CAMTA1: variants seen among roughly 807,000 people sequenced by gnomAD.
The protein encoded by CAMTA1 is calmodulin binding transcription activator 1, also known as calmodulin-binding transcription activator 1.
Under a neutral mutation model 170.9 loss-of-function variants are expected in CAMTA1, and 27 were observed. The observed-to-expected ratio is 0.16, with a 90% CI of 0.12 to 0.22. CAMTA1 has a LOEUF of 0.22. Among genes scored for constraint, CAMTA1 ranks in the 10% least tolerant of loss-of-function variants. The pLI, the probability that CAMTA1 is intolerant of heterozygous loss-of-function variation, is 1.00. For synonymous variants in CAMTA1, 833 were observed against 891.5 expected, an observed-to-expected ratio of 0.93 and a Z score of 1.17; for missense variants, 1,619 against 2,217.2, an observed-to-expected ratio of 0.73 and a Z score of 5.42.
At chr1:7,689,978 T>C (rs1190946482) in intron 11 of CAMTA1, among the ~76,000 whole-genome samples, 1 of 152,026 alleles carries the variant, frequency 6.6e-6, no homozygotes, top group Non-Finnish European at 1.5e-5. Flanking sequence ...ACCAACATGG[T>C]GAAACCCCGT....
At chr1:7,606,292 G>A (rs920522345) in intron 6 of CAMTA1, among the ~76,000 whole-genome samples, 1 of 152,158 alleles carries the variant, frequency 6.6e-6, no homozygotes, top group African/African-American at 2.4e-5. Context: ...CTGGGGCAGG[G>A]CCTGAGACCC....
chr1:7,454,239 G>A (rs564604843), intron 5 of CAMTA1, among the ~76,000 whole-genome samples: 4 of 152,318 alleles, frequency 2.6e-5, no homozygotes, highest in South Asian at 2.1e-4. Context: ...CTTCCTGGGC[G>A]GGAGTCCCCA....
chr1:7,756,035 A>G (rs1451494453), intron 22 of CAMTA1, among the ~76,000 whole-genome samples: 1 of 152,170 alleles, frequency 6.6e-6, no homozygotes, highest in African/African-American at 2.4e-5. Flanking sequence ...GCTTTTTGTG[A>G]TTAAGATAAT....
At chr1:7,430,879 T>C (rs552369348) in intron 5 of CAMTA1, among the ~76,000 whole-genome samples, 1 of 152,386 alleles carries the variant, frequency 6.6e-6, no homozygotes, top group South Asian at 2.1e-4. Flanking sequence ...ATATTTTTAT[T>C]GTCAGGTTAG....
chr1:7,242,301 G>A (rs924960779), intron 4 of CAMTA1, among the ~76,000 whole-genome samples: 1 of 152,188 alleles, frequency 6.6e-6, no homozygotes, highest in Non-Finnish European at 1.5e-5. Context: ...GGAGGATGTG[G>A]AGAAATTGGA....
chr1:7,615,376 C>T (rs2095552456), intron 6 of CAMTA1, among the ~76,000 whole-genome samples: 1 of 152,244 alleles, frequency 6.6e-6, no homozygotes, highest in Non-Finnish European at 1.5e-5. Context: ...ATATATATGG[C>T]ATAGTGACAG....
chr1:7,668,902 G>A (rs1231126761), intron 9 of CAMTA1, among the ~76,000 whole-genome samples: 1 of 152,130 alleles, frequency 6.6e-6, no homozygotes, highest in Non-Finnish European at 1.5e-5. Context: ...CAGGATCCTG[G>A]GGGATGGTGC....
intron 5 of CAMTA1, among the ~76,000 whole-genome samples, chr1:7,276,291 A>ATTTT (rs1257658481): frequency 0.011 from 562 of 51,174 alleles, 20 homozygotes; most frequent in Non-Finnish European, 0.014. Context: ...ATATATATAT[A>ATTTT]TATATATATA....
chr1:7,287,446 A>C (rs1243119783), intron 5 of CAMTA1, among the ~76,000 whole-genome samples: 1 of 152,200 alleles, frequency 6.6e-6, no homozygotes, highest in Non-Finnish European at 1.5e-5. Context: ...GAGTTGAGCT[A>C]TTCTAACCAA....
At position 7,427,835 on chromosome 1, in the gene CAMTA1, A is replaced by T. The variant is rs1400737463; in HGVS notation, c.439-39995A>T. 2.0e-5 allele frequency among the ~76,000 whole-genome samples: 3 copies of T among 152,332 alleles called. No homozygotes were observed. In the South Asian group the frequency reaches 6.2e-4, roughly 32 times the overall value. Reference sequence around the variant, plus strand: ...GAGCACTCAGCCCCTCAGACATTGCAGGTCCTCTAGGGTGAGCCTTGAGGT... The same window carrying T: ...GAGCACTCAGCCCCTCAGACATTGCTGGTCCTCTAGGGTGAGCCTTGAGGT... On this transcript the variant is annotated intron_variant, in intron 5 of 22. Transcript: ENST00000303635.
intron 4 of CAMTA1, among the ~76,000 whole-genome samples, chr1:7,111,580 G>A (rs977334815): frequency 1.4e-4 from 22 of 152,064 alleles, no homozygotes; most frequent in Admixed American, 5.2e-4. Flanking sequence ...TTCACCTCTC[G>A]GAGCTCCTGT....
At chr1:7,317,233 C>T (rs889798518) in intron 5 of CAMTA1, among the ~76,000 whole-genome samples, 8 of 152,146 alleles carry the variant, frequency 5.3e-5, no homozygotes, top group African/African-American at 1.9e-4. Context: ...GGCGTGTGGT[C>T]CTGGGACAGC....
chr1:7,035,607 T>C (rs746593887), intron 3 of CAMTA1, among the ~76,000 whole-genome samples: 1 of 152,152 alleles, frequency 6.6e-6, no homozygotes, highest in South Asian at 2.1e-4. Context: ...GCAGTGCAAA[T>C]GCCAATACAG....
intron 21 of CAMTA1, 59 bp downstream of exon 21, chr1:7,752,592 T>C: frequency 7.5e-7 from 1 of 1,331,110 alleles, no homozygotes; most frequent in East Asian, 2.4e-5. Flanking sequence ...AACCCTGACC[T>C]TCTTAACCCT....
intron 5 of CAMTA1, among the ~76,000 whole-genome samples, chr1:7,328,803 G>A (rs2082853103): frequency 6.6e-6 from 1 of 151,718 alleles, no homozygotes; most frequent in South Asian, 2.1e-4. Flanking sequence ...CCCCAAATCT[G>A]CCTTGTTGGT....
chr1:6,937,548 CACT>C (rs1354184171), intron 3 of CAMTA1, among the ~76,000 whole-genome samples: 2 of 53,268 alleles, frequency 3.8e-5, no homozygotes, highest in African/African-American at 7.1e-5. Flanking sequence ...CACCACTTAC[CACT>C]ACCATCATCA....
intron 3 of CAMTA1, among the ~76,000 whole-genome samples, chr1:6,828,659 C>T (rs1648299175): frequency 6.6e-6 from 1 of 151,870 alleles, no homozygotes; most frequent in Non-Finnish European, 1.5e-5. Context: ...ATTTGTAAGC[C>T]TTAAAATAGT....
intron 1 of CAMTA1, among the ~76,000 whole-genome samples, chr1:6,800,318 G>A (rs1643584868): frequency 6.6e-6 from 1 of 151,958 alleles, no homozygotes; most frequent in South Asian, 2.1e-4. Context: ...GAGGTTGGAG[G>A]ATTACTTGAG....
chr1:7,392,975 G>A (rs996633597), intron 5 of CAMTA1, among the ~76,000 whole-genome samples: 3 of 151,644 alleles, frequency 2.0e-5, no homozygotes, highest in African/African-American at 4.9e-5. Flanking sequence ...ATCATTTGAG[G>A]TCAGGAGTTC....
Sources: allele counts gnomAD v4.1 joint callset (sites outside exome capture counted in the v4.1 genomes callset), GRCh38; gene constraint gnomAD v4.1.1; transcripts MANE v1.5; gene names NCBI Gene and HGNC (gene_info 2026-07-23, HGNC 2026-07-21).